The following ST6GAL2 variants were observed in gnomAD, a reference collection of about 807,000 sequenced individuals.
ST6GAL2 encodes the protein ST6 beta-galactoside alpha-2,6-sialyltransferase 2, also known as beta-galactoside alpha-2,6-sialyltransferase 2.
A neutral mutation model predicts 37.5 loss-of-function variants in ST6GAL2; 24 were observed. That is an observed-to-expected ratio of 0.64 (90% CI 0.46 to 0.90). ST6GAL2 has a LOEUF of 0.90. Ranked by LOEUF, ST6GAL2 falls within the 40% of genes least tolerant of loss-of-function variation. The pLI is 0.00. For synonymous variants in ST6GAL2, 306 were observed against 295.1 expected (o/e 1.04, Z -0.38); for missense variants, 715 against 712.7 (o/e 1.00, Z -0.04).
In ST6GAL2 at chr2:106,832,580, G is replaced by GT; in HGVS notation, c.1127_1128insA (p.Ala377ArgfsTer4). On this transcript the variant is annotated frameshift_variant, in exon 4 of 6. Transcript: ENST00000409382. LOFTEE classifies it high-confidence loss of function. ...AAACACTTACCAGGTTAAGATTTGC[G>GT]GAATATGGGGCAGGGTCCCAGGCCA... is the stretch of plus-strand genomic sequence containing the variant. 6.3e-7 allele frequency: 1 copy of GT among 1,581,976 alleles called. No homozygotes were observed. Among genetic ancestry groups the GT allele is most frequent in the Non-Finnish European group, 8.6e-7 (1 of 1,164,784 alleles).
chr2:106,860,617 G>A (rs1299564491), intron 1 of ST6GAL2, among the ~76,000 whole-genome samples: 1 of 152,072 alleles, frequency 6.6e-6, no homozygotes, highest in Non-Finnish European at 1.5e-5. Context: ...TCTTTATAAA[G>A]ATCAAACCAC....
At chr2:106,867,504 G>C (rs906604386) in intron 1 of ST6GAL2, among the ~76,000 whole-genome samples, 1 of 152,114 alleles carries the variant, frequency 6.6e-6, no homozygotes, top group Admixed American at 6.5e-5. Context: ...GTGGTGCATC[G>C]GCAAAGCCTA....
intron 5 of ST6GAL2, among the ~76,000 whole-genome samples, chr2:106,828,601 A>T (rs984292106): frequency 6.6e-6 from 1 of 152,174 alleles, no homozygotes; most frequent in African/African-American, 2.4e-5. Flanking sequence ...GCAAGCTTCA[A>T]TTCAGGATAC....
chr2:106,838,438 C>G (rs201996889), intron 2 of ST6GAL2, among the ~76,000 whole-genome samples: 1 of 152,182 alleles, frequency 6.6e-6, no homozygotes, highest in East Asian at 1.9e-4. Flanking sequence ...GACAAAGCAT[C>G]GCTTTGGGAG....
intron 1 of ST6GAL2, among the ~76,000 whole-genome samples, chr2:106,849,630 C>A (rs1347911592): frequency 6.6e-6 from 1 of 152,142 alleles, no homozygotes; most frequent in African/African-American, 2.4e-5. Flanking sequence ...TTTCCTGGAC[C>A]TAGGAGAGAT....
intron 1 of ST6GAL2, among the ~76,000 whole-genome samples, chr2:106,847,542 G>A (rs777673501): frequency 2.6e-4 from 39 of 152,204 alleles, no homozygotes; most frequent in African/African-American, 8.2e-4. Flanking sequence ...GACTGCCCTC[G>A]TTTCACATGC....
chr2:106,816,880 A>C (rs564310923), intron 5 of ST6GAL2, among the ~76,000 whole-genome samples: 1 of 152,272 alleles, frequency 6.6e-6, no homozygotes, highest in South Asian at 2.1e-4. Flanking sequence ...TCCATCCCCC[A>C]GCAGGGAGGA....
At chr2:106,840,916 C>G (rs533339998) in intron 2 of ST6GAL2, among the ~76,000 whole-genome samples, 1 of 152,340 alleles carries the variant, frequency 6.6e-6, no homozygotes, top group Admixed American at 6.5e-5. Context: ...AATTCCTTCT[C>G]CACATTATTA....
intron 2 of ST6GAL2, 179 bp from the exon 3 acceptor site, chr2:106,834,325 G>GTTTCT: frequency 1.7e-6 from 1 of 577,120 alleles, no homozygotes. Flanking sequence ...ATCTTGGCTG[G>GTTTCT]AGGAAACATC....
At chr2:106,868,458 A>G (rs1678125629) in intron 1 of ST6GAL2, among the ~76,000 whole-genome samples, 1 of 152,192 alleles carries the variant, frequency 6.6e-6, no homozygotes, top group South Asian at 2.1e-4. Flanking sequence ...TTAAATGTCC[A>G]ATGCTGACCT....
At chr2:106,856,445 G>T (rs1036936852) in intron 1 of ST6GAL2, among the ~76,000 whole-genome samples, 5 of 152,206 alleles carry the variant, frequency 3.3e-5, no homozygotes, top group African/African-American at 1.2e-4. Context: ...AGACTTGAGT[G>T]TGGAAGGGAA....
intron 1 of ST6GAL2, among the ~76,000 whole-genome samples, chr2:106,872,189 G>GT (rs1678296700): frequency 6.6e-6 from 1 of 152,208 alleles, no homozygotes. Flanking sequence ...ACTGAATGTT[G>GT]TATGTGGCAC....
intron 1 of ST6GAL2, among the ~76,000 whole-genome samples, chr2:106,856,223 A>G (rs1410509144): frequency 1.3e-5 from 2 of 152,234 alleles, no homozygotes; most frequent in Admixed American, 6.5e-5. Context: ...CTAAGCACTC[A>G]TGTATTCCAT....
chr2:106,828,476 G>T (rs1237419386), intron 5 of ST6GAL2, among the ~76,000 whole-genome samples: 2 of 152,058 alleles, frequency 1.3e-5, no homozygotes, highest in Non-Finnish European at 2.9e-5. Flanking sequence ...GTTTAAAAGG[G>T]AGAAAAAAAG....
At chr2:106,885,455 C>T (rs951905812) in intron 1 of ST6GAL2, among the ~76,000 whole-genome samples, 2 of 152,244 alleles carry the variant, frequency 1.3e-5, no homozygotes, top group Admixed American at 6.5e-5. Flanking sequence ...CATTTAAATT[C>T]CTGGAAAGCA....
intron 5 of ST6GAL2, among the ~76,000 whole-genome samples, chr2:106,809,787 A>G (rs1675543182): frequency 6.6e-6 from 1 of 152,226 alleles, no homozygotes; most frequent in Admixed American, 6.5e-5. Flanking sequence ...TACCATAATG[A>G]GGAACTACGA....
Position 106,843,464 on chromosome 2 carries a change from G to A in ST6GAL2, c.514C>T (p.Arg172Trp), listed in dbSNP as rs767653102. ...AFPAAQVQRR[R>W]VKKRHRRQRR... ...TGCCTCCGGTGCCTCTTCTTCACCC[G>A]CCTCCTCTGGACCTGTGCAGCCGGA... is the stretch of plus-strand genomic sequence containing the variant. Residue 172 changes from arginine (R) to tryptophan (W), a missense_variant, in exon 2 of 6, where the codon CGG becomes TGG. Physicochemically the swap from Arg to Trp is moderately radical, Grantham distance 101. Around this residue, in one of 3 missense-constraint regions of ST6GAL2, gnomAD observed 512 missense variants for 488.8 expected, o/e 1.05. Transcript: ENST00000409382. 1.9e-6 allele frequency: 3 copies of A among 1,614,004 alleles called. No homozygotes were observed.
At chr2:106,879,738 A>G (rs1305473881) in intron 1 of ST6GAL2, among the ~76,000 whole-genome samples, 2 of 147,616 alleles carry the variant, frequency 1.4e-5, no homozygotes, top group Non-Finnish European at 3.0e-5. Context: ...TAGACCAATT[A>G]TATATTATTA....
At chr2:106,876,923 T>C (rs1169280385) in intron 1 of ST6GAL2, among the ~76,000 whole-genome samples, 2 of 151,944 alleles carry the variant, frequency 1.3e-5, no homozygotes, top group South Asian at 2.1e-4. Context: ...GAGAAAGACA[T>C]GTGCTTAGAG....
Sources: allele counts gnomAD v4.1 joint callset (sites outside exome capture counted in the v4.1 genomes callset), GRCh38; gene constraint gnomAD v4.1.1; regional missense constraint gnomAD v4.1.1; transcripts MANE v1.5; gene names NCBI Gene and HGNC (gene_info 2026-07-23, HGNC 2026-07-21).